Variants in PCSK9 observed in about 807,000 individuals in gnomAD.
PCSK9 encodes the protein proprotein convertase subtilisin/kexin type 9, also known as convertase subtilisin/kexin type 9 preproprotein.
In PCSK9, 57 loss-of-function variants were observed where a neutral mutation model predicts 62.1. The observed-to-expected ratio is 0.92, with a 90% confidence interval of 0.74 to 1.14. The LOEUF (loss-of-function observed/expected upper bound fraction) is 1.14. Among genes scored for constraint, PCSK9 ranks in the 50% most tolerant of loss-of-function variants. The pLI is 0.00. For synonymous variants in PCSK9, 387 were observed against 409.4 expected (o/e 0.95, Z 0.66); for missense variants, 870 against 959.8 (o/e 0.91, Z 1.24).
At position 55,057,415 on chromosome 1, in the gene PCSK9, C is replaced by A; in HGVS notation, c.1081C>A (p.Leu361Ile). 6.2e-7 allele frequency: 1 copy of A among 1,614,140 alleles called. No individual in the cohort carries two copies. Among genetic ancestry groups the A allele is most frequent in the Non-Finnish European group, 8.5e-7 (1 of 1,180,040 alleles). Residue 361 changes from leucine (L) to isoleucine (I), a missense_variant, in exon 7 of 12, where the codon CTC becomes ATC. Leu to Ile is a conservative substitution (Grantham distance 5). Coordinates refer to ENST00000302118, the MANE Select transcript of PCSK9 (RefSeq NM_174936.4). ...GACCAACTTTGGCCGCTGTGTGGAC[C>A]TCTTTGCCCCAGGGGAGGACATCAT... The part of the protein sequence containing the change: ...LGTNFGRCVD[L>I]FAPGEDIIGA...
Position 55,058,145 on chromosome 1 carries a change from T to C in PCSK9, c.1290T>C (p.Pro430=). 1 of 1,613,630 alleles carries C rather than the reference T, an allele frequency of 6.2e-7. No individual in the cohort carries two copies. The highest frequency in any genetic ancestry group is 8.5e-7 in the Non-Finnish European group (1 of 1,180,028). ...ATGTCATCAATGAGGCCTGGTTCCC[T>C]GAGGACCAGCGGGTACTGACCCCCA... The part of the protein sequence containing the change: ...AKDVINEAWF[P]EDQRVLTPNL... Residue 430 remains proline, a synonymous_variant, in exon 8 of 12, where the codon CCT becomes CCC. Coordinates refer to ENST00000302118, the MANE Select transcript of PCSK9 (RefSeq NM_174936.4).
rs773818469 is a variant in PCSK9 at position 55,063,592 on chromosome 1, A to G, written c.*8A>G. ...TCCCAGGAGCTCCAGTGACAGCCCCATCCCAGGATGGGTGTCTGGGGAGGG... is the reference window on the plus strand; with the variant it reads ...TCCCAGGAGCTCCAGTGACAGCCCCGTCCCAGGATGGGTGTCTGGGGAGGG... On this transcript the variant is annotated 3_prime_UTR_variant, in exon 12 of 12. Transcript: ENST00000302118. 1.6e-5 allele frequency: 26 copies of G among 1,610,602 alleles called. No individual in the cohort carries two copies. Among genetic ancestry groups the G allele is most frequent in the Non-Finnish European group, 2.0e-5 (23 of 1,179,388 alleles).
intron 3 of PCSK9, among the ~76,000 whole-genome samples, chr1:55,050,137 C>T (rs1296075345): frequency 6.6e-6 from 1 of 152,234 alleles, no homozygotes. Context: ...GCCAATGTAT[C>T]CAGTTGTCCC....
intron 3 of PCSK9, 30 bp downstream of exon 3, chr1:55,046,676 C>T: frequency 1.2e-6 from 2 of 1,612,222 alleles, no homozygotes; most frequent in Non-Finnish European, 1.7e-6. Flanking sequence ...CCTGCCCCAC[C>T]CCATCTGAGC....
rs1212282125 is a variant in PCSK9 at position 55,056,267 on chromosome 1, C to CGGGCTTCTTGTGGCACGT, written c.996+97_996+114dup. Reference sequence around the variant, plus strand: ...GGCGGAGGGAGGGCGGGCGGGCAGGCGGGCTTCTTGTGGCACGTGGGCTTC... The same window carrying CGGGCTTCTTGTGGCACGT: ...GGCGGAGGGAGGGCGGGCGGGCAGGCGGGCTTCTTGTGGCACGTGGGCTTCTTGTGGCACGTGGGCTTC... On this transcript the variant is annotated intron_variant, in intron 6 of 11. Coordinates refer to ENST00000302118, the MANE Select transcript of PCSK9 (RefSeq NM_174936.4). The CGGGCTTCTTGTGGCACGT allele has an allele frequency of 7.8e-5, 93 of 1,194,408 alleles. 1 individual carries two copies. The East Asian group carries it at 2.5e-3, about 32-fold the overall frequency. The allele number at this position is 1,194,408 out of a possible 1,614,324, so 74.0% of individuals were successfully genotyped here.
At chr1:55,060,488 A>G (rs1316834698) in intron 10 of PCSK9, among the ~76,000 whole-genome samples, 1 of 152,172 alleles carries the variant, frequency 6.6e-6, no homozygotes, top group Admixed American at 6.5e-5. Context: ...GGCATGTAGG[A>G]TGGATGTTCA....
In PCSK9 at chr1:55,052,259, C is replaced by T. The variant is rs1281325904; in HGVS notation, c.524-19C>T. The T allele has an allele frequency of 6.2e-7, 1 of 1,613,960 alleles. No homozygotes were observed. Among genetic ancestry groups the T allele is most frequent in the East Asian group, 2.2e-5 (1 of 44,878 alleles). On this transcript the variant is annotated intron_variant, in intron 3 of 11. Coordinates refer to ENST00000302118, the MANE Select transcript of PCSK9 (RefSeq NM_174936.4). ...TTTATGCTCATTCCCTCCTCTCCCA[C>T]AAATGTCGCCTTGGAAAGACGGAGG...
At chr1:55,055,833 TA>T (rs1474941697) in intron 5 of PCSK9, among the ~76,000 whole-genome samples, 159 bp from the exon 6 acceptor site, 2 of 152,302 alleles carry the variant, frequency 1.3e-5, no homozygotes, top group Non-Finnish European at 2.9e-5. Context: ...TAGTCACATC[TA>T]AAAAATATTT....
rs939691598 is a variant in PCSK9, at chr1:55,064,362, G to A, written c.*778G>A. 1 of 152,282 alleles carries A rather than the reference G, an allele frequency of 6.6e-6. No individual in the cohort carries two copies. The highest frequency in any genetic ancestry group is 1.5e-5 in the Non-Finnish European group (1 of 68,106). The allele number at this position is 152,282 out of a possible 1,614,324, so 9.4% of individuals were successfully genotyped here. A position where few individuals can be genotyped will look rare whatever the true frequency, so the allele number is the denominator to read the frequency against. On this transcript the variant is annotated 3_prime_UTR_variant, in exon 12 of 12. Transcript: ENST00000302118. ...ACATTCGCACCCCTACTTCACAGAGGAAGAAACCTGGAACCAGAGGGGGCG... is the reference window on the plus strand; with the variant it reads ...ACATTCGCACCCCTACTTCACAGAGAAAGAAACCTGGAACCAGAGGGGGCG...
chr1:55,043,762 G>T lies in PCSK9; in HGVS notation c.208-81G>T, dbSNP rs1199625794. ...TGTTGTGTCTCTTTTGTTGTAATTT[G>T]TAAGTAGGGGTGAGATAAAGTACAC... On this transcript the variant is annotated intron_variant, in intron 1 of 11. Transcript: ENST00000302118. The T allele has an allele frequency of 2.7e-6, 4 of 1,476,698 alleles. No individual in the cohort carries two copies. The African/African-American group carries it at 5.6e-5, about 21-fold the overall frequency. 91.5% of individuals were successfully genotyped at this position (1,476,698 alleles called of 1,614,324 possible). A position where few individuals can be genotyped will look rare whatever the true frequency, so the allele number is the denominator to read the frequency against.
chr1:55,055,297 A>G (rs1644705795), intron 5 of PCSK9, among the ~76,000 whole-genome samples: 3 of 150,378 alleles, frequency 2.0e-5, no homozygotes, highest in South Asian at 4.3e-4. Context: ...GTGGAGGGGC[A>G]TCTGAGCCAG....
chr1:55,058,005 CACCA>C, intron 7 of PCSK9, 27 bp from the exon 8 acceptor site: 1 of 1,613,370 alleles, frequency 6.2e-7, no homozygotes. Flanking sequence ...GCCGGGCCAT[CACCA>C]TCTTTCACCA....
intron 5 of PCSK9, among the ~76,000 whole-genome samples, chr1:55,054,837 C>G (rs1172631800): frequency 6.6e-6 from 1 of 152,112 alleles, no homozygotes; most frequent in Non-Finnish European, 1.5e-5. Context: ...AGCCCCGTCT[C>G]TACTAAAACT....
chr1:55,058,340 G>A, intron 8 of PCSK9, 131 bp downstream of exon 8: 1 of 1,489,066 alleles, frequency 6.7e-7, no homozygotes, highest in Non-Finnish European at 9.2e-7. Context: ...AAATGAGAAT[G>A]GGGCTCTGAA....
At chr1:55,048,115 AG>A (rs1644647111) in intron 3 of PCSK9, among the ~76,000 whole-genome samples, 1 of 152,148 alleles carries the variant, frequency 6.6e-6, no homozygotes, top group Non-Finnish European at 1.5e-5. Context: ...AGCCTGAATC[AG>A]TGTCGGCAGG....
At chr1:55,061,690 C>T in intron 11 of PCSK9, 134 bp downstream of exon 11, 1 of 1,181,720 alleles carries the variant, frequency 8.5e-7, no homozygotes, top group Non-Finnish European at 1.2e-6. Context: ...CTGTGGGCAG[C>T]TTCCGCCATT....
rs1644760672 is a variant in PCSK9, at chr1:55,061,659, T to C, written c.1863+103T>C. 3 of 1,446,454 alleles carry C rather than the reference T, an allele frequency of 2.1e-6. No individual in the cohort carries two copies. The Admixed American group carries it at 5.9e-5, about 28-fold the overall frequency. The allele number at this position is 1,446,454 out of a possible 1,614,324, so 89.6% of individuals were successfully genotyped here. A position where few individuals can be genotyped will look rare whatever the true frequency, so the allele number is the denominator to read the frequency against. Reference sequence around the variant, plus strand: ...ACCACCATACCGCCATGCATCAGGGTGGCGGTTTGCCAGGTAGATGCTGTG... The same window carrying C: ...ACCACCATACCGCCATGCATCAGGGCGGCGGTTTGCCAGGTAGATGCTGTG... On this transcript the variant is annotated intron_variant, in intron 11 of 11. Coordinates refer to ENST00000302118, the MANE Select transcript of PCSK9 (RefSeq NM_174936.4).
chr1:55,052,792 G>GT lies in PCSK9; in HGVS notation c.799+2dup. ...GGCACGGTTAGCGGCACCCTCATAG[G>GT]TAAGTGATGGCCCCAGACGCTGGTC... On this transcript the variant is annotated splice_donor_variant, in intron 5 of 11. Transcript: ENST00000302118. LOFTEE classifies it high-confidence loss of function. 3 of 1,613,088 alleles carry GT rather than the reference G, an allele frequency of 1.9e-6. No homozygotes were observed. Among genetic ancestry groups the GT allele is most frequent in the Non-Finnish European group, 2.5e-6 (3 of 1,179,952 alleles).
chr1:55,058,570 C>A lies in PCSK9; in HGVS notation c.1426C>A (p.Arg476Ser). 6.2e-7 allele frequency: 1 copy of A among 1,612,106 alleles called. No individual in the cohort carries two copies. Among genetic ancestry groups the A allele is most frequent in the Non-Finnish European group, 8.5e-7 (1 of 1,180,034 alleles). Residue 476 changes from arginine to serine, a missense_variant, in exon 9 of 12, where the codon CGC becomes AGC. Coordinates refer to ENST00000302118, the MANE Select transcript of PCSK9 (RefSeq NM_174936.4). The stretch of plus-strand genomic sequence containing the variant: ...TACACGGATGGCCACAGCCGTCGCC[C>A]GCTGCGCCCCAGATGAGGAGCTGCT... ...GPTRMATAVA[R>S]CAPDEELLSC... is the part of the protein sequence containing the mutation.
Sources: allele counts gnomAD v4.1 joint callset (sites outside exome capture counted in the v4.1 genomes callset), GRCh38; gene constraint gnomAD v4.1.1; transcripts MANE v1.5; gene names NCBI Gene and HGNC (gene_info 2026-07-23, HGNC 2026-07-21).